The following KSR2 variants were observed in gnomAD, a reference collection of about 807,000 sequenced individuals.
KSR2 encodes kinase suppressor of ras 2.
KSR2 carries 25 observed loss-of-function variants against 107.8 expected under a neutral mutation model. The ratio of observed to expected loss-of-function variants is 0.23; its 90% CI spans 0.17 to 0.32. The LOEUF is 0.32. Among genes scored for constraint, KSR2 ranks in the 10% least tolerant of loss-of-function variants. The pLI is 1.00. For missense variants in KSR2, 887 were observed against 1,268.9 expected, an observed-to-expected ratio of 0.70 and a Z score of 4.57; for synonymous variants, 480 against 507.0, an observed-to-expected ratio of 0.95 and a Z score of 0.71.
chr12:117,559,646 T>A (rs958814055), intron 7 of KSR2, among the ~76,000 whole-genome samples: 1 of 152,164 alleles, frequency 6.6e-6, no homozygotes, highest in African/African-American at 2.4e-5. Flanking sequence ...AGGTATTAAG[T>A]TTTAGAGGCA....
chr12:117,802,892 C>G (rs989758883), intron 3 of KSR2, among the ~76,000 whole-genome samples: 2 of 152,208 alleles, frequency 1.3e-5, no homozygotes, highest in Non-Finnish European at 1.5e-5. Context: ...AATCTTCACA[C>G]CCCCCAATCT....
At position 117,458,237 on chromosome 12, in the gene KSR2, C is replaced by T. The variant is rs533322880; in HGVS notation, c.*8962G>A. 6.6e-6 allele frequency: 1 copy of T among 152,268 alleles called. No homozygotes were observed. Among genetic ancestry groups the T allele is most frequent in the East Asian group, 1.9e-4 (1 of 5,176 alleles). The allele number at this position is 152,268 out of a possible 1,614,324, so 9.4% of individuals were successfully genotyped here. Reference sequence around the variant, plus strand: ...CAGCATCTGTGTGAGGACACAAAGACCTCTCTTCTACCTTGTTCATCCTGT... The same window carrying T: ...CAGCATCTGTGTGAGGACACAAAGATCTCTCTTCTACCTTGTTCATCCTGT... On this transcript the variant is annotated 3_prime_UTR_variant, in exon 20 of 20. Transcript: ENST00000339824.
At chr12:117,786,369 G>T (rs1048516588) in intron 3 of KSR2, among the ~76,000 whole-genome samples, 2 of 151,882 alleles carry the variant, frequency 1.3e-5, no homozygotes, top group Non-Finnish European at 2.9e-5. Context: ...TACATGTGCA[G>T]ATTTGATGTA....
chr12:117,963,723 T>C (rs183998644), intron 1 of KSR2, among the ~76,000 whole-genome samples: 124 of 152,348 alleles, frequency 8.1e-4, no homozygotes, highest in African/African-American at 2.9e-3. Flanking sequence ...TAATCTTTAG[T>C]TGGATCCCAG....
intron 1 of KSR2, among the ~76,000 whole-genome samples, chr12:117,916,474 T>C (rs1164616155): frequency 6.6e-6 from 1 of 152,316 alleles, no homozygotes; most frequent in East Asian, 1.9e-4. Flanking sequence ...ATTTTTTAAA[T>C]GGAACACAGT....
intron 1 of KSR2, among the ~76,000 whole-genome samples, chr12:117,910,113 C>T (rs1179676489): frequency 6.6e-6 from 1 of 152,034 alleles, no homozygotes; most frequent in African/African-American, 2.4e-5. Flanking sequence ...TGCCTGAAGT[C>T]CCAGCTACTC....
chr12:117,730,467 C>G (rs1214308114), intron 4 of KSR2, among the ~76,000 whole-genome samples: 3 of 13,396 alleles, frequency 2.2e-4, no homozygotes, highest in Non-Finnish European at 4.5e-4. Flanking sequence ...TCTCCCTCGT[C>G]TCCCCTCTCC....
intron 14 of KSR2, among the ~76,000 whole-genome samples, chr12:117,511,925 C>T (rs1450750357): frequency 6.6e-6 from 1 of 150,576 alleles, no homozygotes; most frequent in Non-Finnish European, 1.5e-5. Flanking sequence ...TTGCTGGGAA[C>T]TGTTGCTGGG....
chr12:117,652,496 G>A (rs2136438704), intron 5 of KSR2, among the ~76,000 whole-genome samples: 1 of 152,266 alleles, frequency 6.6e-6, no homozygotes, highest in South Asian at 2.1e-4. Context: ...TATAAAAACA[G>A]AGAATCACAG....
At chr12:117,703,441 C>T (rs769967425) in intron 4 of KSR2, among the ~76,000 whole-genome samples, 1 of 152,130 alleles carries the variant, frequency 6.6e-6, no homozygotes, top group Non-Finnish European at 1.5e-5. Flanking sequence ...AGTTGCCTCC[C>T]CCTGGCCCTG....
intron 3 of KSR2, among the ~76,000 whole-genome samples, chr12:117,827,034 C>CAAAAAAAAAAAAAAAAAA (rs58583797): frequency 9.7e-6 from 1 of 103,600 alleles, no homozygotes; most frequent in African/African-American, 3.7e-5. Context: ...GACCCTGTCT[C>CAAAAAAAAAAAAAAAAAA]AAAAAAAAAA....
chr12:117,634,055 G>T (rs1200641427), intron 5 of KSR2, among the ~76,000 whole-genome samples: 1 of 152,164 alleles, frequency 6.6e-6, no homozygotes, highest in Non-Finnish European at 1.5e-5. Flanking sequence ...CGCTGTGTCT[G>T]TCTTACATAC....
chr12:117,555,939 A>G (rs531209464), intron 8 of KSR2, among the ~76,000 whole-genome samples: 1 of 151,660 alleles, frequency 6.6e-6, no homozygotes, highest in Non-Finnish European at 1.5e-5. Context: ...GATGCCTGGT[A>G]TTGTTACTTG....
At chr12:117,499,680 T>C (rs543113167) in intron 14 of KSR2, among the ~76,000 whole-genome samples, 43 of 152,226 alleles carry the variant, frequency 2.8e-4, no homozygotes, top group Admixed American at 2.6e-4. Context: ...ACACAACAAA[T>C]GCTTGGTGAT....
chr12:117,568,419 C>A (rs1878669082), intron 7 of KSR2, among the ~76,000 whole-genome samples: 1 of 152,142 alleles, frequency 6.6e-6, no homozygotes. Flanking sequence ...AAAGGGCAAG[C>A]AGAGTGACAT....
chr12:117,897,908 T>C lies in KSR2; in HGVS notation c.181-37477A>G, dbSNP rs972661180. Among the ~76,000 whole-genome samples the C allele has an allele frequency of 2.6e-5, 4 of 152,088 alleles. No homozygotes were observed. Among genetic ancestry groups the C allele is most frequent in the African/African-American group, 7.2e-5 (3 of 41,402 alleles). On this transcript the variant is annotated intron_variant, in intron 1 of 19. Coordinates refer to ENST00000339824, the MANE Select transcript of KSR2 (RefSeq NM_173598.6). The surrounding 1 kb of genome is among the most constrained non-coding windows in gnomAD (Gnocchi z 4.5). ...CCCACGCGAAATGGTTGGCAGTCTA[T>C]TGTACACACCGTCTGTGTGTGTGTC...
intron 4 of KSR2, among the ~76,000 whole-genome samples, chr12:117,713,014 T>G (rs1047211138): frequency 6.7e-6 from 1 of 150,264 alleles, no homozygotes; most frequent in African/African-American, 2.4e-5. Flanking sequence ...TGTATCTATA[T>G]AGAGAGAAAT....
chr12:117,809,746 T>C (rs2137045795), intron 3 of KSR2, among the ~76,000 whole-genome samples: 1 of 152,312 alleles, frequency 6.6e-6, no homozygotes, highest in South Asian at 2.1e-4. Flanking sequence ...TTCTCTGCTG[T>C]ATCCCTCACG....
chr12:117,472,111 G>A (rs1016593760), intron 17 of KSR2, among the ~76,000 whole-genome samples: 4 of 152,172 alleles, frequency 2.6e-5, no homozygotes, highest in East Asian at 1.9e-4. Context: ...TCCTGGGTAC[G>A]TCACTTCACT....
Sources: allele counts gnomAD v4.1 joint callset (sites outside exome capture counted in the v4.1 genomes callset), GRCh38; gene constraint gnomAD v4.1.1; non-coding constraint Gnocchi (gnomAD v3.1); transcripts MANE v1.5; gene names NCBI Gene and HGNC (gene_info 2026-07-23, HGNC 2026-07-21).